TAS2R1: variants seen among roughly 807,000 people sequenced by gnomAD.
TAS2R1 encodes the protein taste receptor type 2 member 1.
For synonymous variants in TAS2R1, 141 were observed against 134.2 expected, an observed-to-expected ratio of 1.05 and a Z score of -0.35; for missense variants, 370 against 353.4, an observed-to-expected ratio of 1.05 and a Z score of -0.38.
At chr5:9,707,708 A>G (rs1579794224) in intron 1 of TAS2R1, among the ~76,000 whole-genome samples, 2 of 151,710 alleles carry the variant, frequency 1.3e-5, no homozygotes, top group East Asian at 3.9e-4. Flanking sequence ...ACACAAAACA[A>G]AAAGGCACTT....
chr5:9,807,935 T>TA, the TAS2R1 span, among the ~76,000 whole-genome samples: 10 of 151,392 alleles, frequency 6.6e-5, no homozygotes, highest in Non-Finnish European at 1.2e-4. Context: ...TATTAGAACA[T>TA]AAAAAAAAAA....
At chr5:9,645,313 G>A (rs1223138840) in intron 2 of TAS2R1, among the ~76,000 whole-genome samples, 1 of 152,142 alleles carries the variant, frequency 6.6e-6, no homozygotes, top group Admixed American at 6.5e-5. Context: ...CCTCAGTCAT[G>A]CAGCTAAAAA....
the TAS2R1 span, among the ~76,000 whole-genome samples, chr5:9,896,133 C>T: frequency 1.8e-3 from 269 of 152,304 alleles, 3 homozygotes; most frequent in African/African-American, 6.2e-3. Flanking sequence ...TTAGCTTCCC[C>T]GCCTCCCCAG....
the TAS2R1 span, among the ~76,000 whole-genome samples, chr5:9,807,760 C>G: frequency 1.3e-5 from 2 of 152,040 alleles, no homozygotes; most frequent in Admixed American, 6.6e-5. Flanking sequence ...TTTTGGGACT[C>G]AAGGGTAATG....
the TAS2R1 span, among the ~76,000 whole-genome samples, chr5:9,793,962 T>C: frequency 6.6e-6 from 1 of 152,138 alleles, no homozygotes; most frequent in Non-Finnish European, 1.5e-5. Flanking sequence ...CTCAGGAAGA[T>C]ACAGAAAACT....
chr5:9,855,098 T>C, the TAS2R1 span, among the ~76,000 whole-genome samples: 2 of 152,234 alleles, frequency 1.3e-5, 1 homozygote, highest in South Asian at 4.1e-4. Flanking sequence ...GTGTTTACAG[T>C]GTACCTTTCA....
the TAS2R1 span, among the ~76,000 whole-genome samples, chr5:9,734,075 A>T: frequency 6.6e-6 from 1 of 152,044 alleles, no homozygotes; most frequent in Non-Finnish European, 1.5e-5. Context: ...TGAGGTCAGA[A>T]CCCTCATGAA....
At chr5:9,882,449 A>T in the TAS2R1 span, among the ~76,000 whole-genome samples, 1 of 152,134 alleles carries the variant, frequency 6.6e-6, no homozygotes, top group East Asian at 1.9e-4. Context: ...AACATGGTGA[A>T]ACCCCATCTC....
the TAS2R1 span, among the ~76,000 whole-genome samples, chr5:9,852,251 G>A: frequency 6.6e-6 from 1 of 151,550 alleles, no homozygotes; most frequent in African/African-American, 2.4e-5. Flanking sequence ...TATTTCTAAA[G>A]CTTCAAAATT....
chr5:9,718,194 C>T, the TAS2R1 span, among the ~76,000 whole-genome samples: 5 of 149,910 alleles, frequency 3.3e-5, no homozygotes, highest in Admixed American at 1.3e-4. Context: ...TCGTCTTGAT[C>T]TCCTGACCTT....
chr5:9,791,478 C>T, the TAS2R1 span, among the ~76,000 whole-genome samples: 1 of 152,198 alleles, frequency 6.6e-6, no homozygotes, highest in African/African-American at 2.4e-5. Context: ...GTAGGTGAAT[C>T]ACTTGAGGCC....
chr5:9,804,083 G>T, the TAS2R1 span, among the ~76,000 whole-genome samples: 1 of 151,878 alleles, frequency 6.6e-6, no homozygotes, highest in Non-Finnish European at 1.5e-5. Context: ...AGAGAGTAGG[G>T]GTAACTATTC....
At chr5:9,840,857 A>ATTTATTTTTTTT in the TAS2R1 span, among the ~76,000 whole-genome samples, 4 of 132,080 alleles carry the variant, frequency 3.0e-5, no homozygotes, top group African/African-American at 1.1e-4. Context: ...TTATTTATTT[A>ATTTATTTTTTTT]TTTTTTTTTT....
intron 1 of TAS2R1, among the ~76,000 whole-genome samples, chr5:9,677,989 C>T (rs1359027773): frequency 3.3e-5 from 5 of 151,990 alleles, no homozygotes; most frequent in South Asian, 4.2e-4. Context: ...ATTGCTTGAG[C>T]CCAGGAGTTC....
chr5:9,689,819 A>T (rs559515972), intron 1 of TAS2R1, among the ~76,000 whole-genome samples: 20 of 152,346 alleles, frequency 1.3e-4, no homozygotes, highest in African/African-American at 4.3e-4. Context: ...AATATTACAA[A>T]TTCATCTCCT....
chr5:9,688,609 T>C (rs960204887), intron 1 of TAS2R1, among the ~76,000 whole-genome samples: 3 of 152,170 alleles, frequency 2.0e-5, no homozygotes, highest in African/African-American at 7.2e-5. Flanking sequence ...CCTCTTTTTC[T>C]GCTCTCTTTT....
rs1016088623 is a variant in TAS2R1, at chr5:9,672,485, C to T, written c.-241-12904G>A. Among the ~76,000 whole-genome samples the T allele has an allele frequency of 7.9e-5, 12 of 152,078 alleles. No homozygotes were observed. In the East Asian group the frequency reaches 2.1e-3, roughly 27 times the overall value. On this transcript the variant is annotated intron_variant, in intron 1 of 2. Coordinates refer to the TAS2R1 transcript ENST00000506620. ...AAAAGTGGGCAAGGACATAAACAGA[C>T]ATTTTCAAGAGAAGACATACACACA...
the TAS2R1 span, among the ~76,000 whole-genome samples, chr5:9,754,188 C>T: frequency 6.6e-6 from 1 of 152,184 alleles, no homozygotes; most frequent in South Asian, 2.1e-4. Context: ...GCAGAAAAGG[C>T]CTTTGACAAA....
intron 2 of TAS2R1, among the ~76,000 whole-genome samples, chr5:9,649,533 A>C (rs934350123): frequency 6.6e-6 from 1 of 152,162 alleles, no homozygotes; most frequent in Non-Finnish European, 1.5e-5. Context: ...GGAATGTAGC[A>C]TTATCAGCTT....
Sources: gnomAD v4.1 joint callset for allele counts (sites outside exome capture counted in the v4.1 genomes callset) on GRCh38, gnomAD v4.1.1 for gene constraint, MANE v1.5 for transcripts, NCBI Gene and HGNC (gene_info 2026-07-23, HGNC 2026-07-21) for gene names.